PSMA1: variants seen among roughly 807,000 people sequenced by gnomAD.
PSMA1 encodes the protein proteasome 20S subunit alpha 1.
In PSMA1, 3 loss-of-function variants were observed where a neutral mutation model predicts 38.4. The ratio of observed to expected loss-of-function variants is 0.08; its 90% CI spans 0.04 to 0.20. The LOEUF (loss-of-function observed/expected upper bound fraction) is 0.20. Among genes scored for constraint, PSMA1 ranks in the 10% least tolerant of loss-of-function variants. The pLI, the probability that PSMA1 is intolerant of heterozygous loss-of-function variation, is 1.00. For missense variants in PSMA1, 227 were observed against 325.3 expected (o/e 0.70, Z 2.32); for synonymous variants, 101 against 107.1 (o/e 0.94, Z 0.35).
Position 14,505,266 on chromosome 11 carries a change from A to G in PSMA1, c.736-18T>C. ...TGAGCAGGCTTAACAGGGAAAGAAA[A>G]AAAGAAAATATGTAAAATGAACACT... On this transcript the variant is annotated intron_variant, in intron 9 of 9. Coordinates refer to ENST00000396394, the MANE Select transcript of PSMA1 (RefSeq NM_002786.4). 6.2e-7 allele frequency: 1 copy of G among 1,605,848 alleles called. No homozygotes were observed. Among genetic ancestry groups the G allele is most frequent in the Non-Finnish European group, 8.5e-7 (1 of 1,172,688 alleles).
intron 2 of PSMA1, among the ~76,000 whole-genome samples, chr11:14,548,383 A>G (rs575403334): frequency 1.2e-4 from 18 of 152,290 alleles, no homozygotes; most frequent in African/African-American, 4.1e-4. Context: ...TTCTTGGTAT[A>G]TGTATGTGGT....
At chr11:14,524,109 CAAAAAAAAAAAAAAA>C (rs71044009), upstream of PSMA1, among the ~76,000 whole-genome samples, 2 of 54,204 alleles carry the variant, frequency 3.7e-5, no homozygotes, top group Non-Finnish European at 6.1e-5. Flanking sequence ...GACCCTGTCT[CAAAAAAAAAAAAAAA>C]AAAAAAAAAA....
chr11:14,580,408 T>A (rs202155812), intron 2 of PSMA1, among the ~76,000 whole-genome samples: 8 of 152,272 alleles, frequency 5.3e-5, no homozygotes, highest in Admixed American at 5.2e-4. Flanking sequence ...AGACCACTTT[T>A]CCTGCCACTC....
chr11:14,579,527 C>T (rs1197912150), intron 2 of PSMA1, among the ~76,000 whole-genome samples: 1 of 116,862 alleles, frequency 8.6e-6, no homozygotes, highest in Admixed American at 1.0e-4. Context: ...GTAACATTAA[C>T]AGGGGCCAAG....
chr11:14,624,362 A>T (rs1852885800), intron 1 of PSMA1, among the ~76,000 whole-genome samples: 1 of 152,204 alleles, frequency 6.6e-6, no homozygotes, highest in Admixed American at 6.5e-5. Context: ...GGTAGATGAC[A>T]TGGGGATCTG....
chr11:14,512,417 T>C (rs2575853), intron 7 of PSMA1, among the ~76,000 whole-genome samples: 99,869 of 151,950 alleles, frequency 0.66, 33,004 homozygotes, highest in East Asian at 0.69. Flanking sequence ...TAAATGAAGA[T>C]ATTCCATGTT....
intron 2 of PSMA1, chr11:14,610,749 T>G (rs185659553): frequency 3.4e-4 from 184 of 548,536 alleles, no homozygotes; most frequent in African/African-American, 3.0e-3. Context: ...CCTTTCTTTT[T>G]GTGCCTATGA....
intron 4 of PSMA1, among the ~76,000 whole-genome samples, chr11:14,517,147 T>C (rs1443524647): frequency 6.6e-6 from 1 of 152,194 alleles, no homozygotes; most frequent in Non-Finnish European, 1.5e-5. Flanking sequence ...ATATTATAGA[T>C]AAACTACATT....
At chr11:14,550,136 G>A (rs2134168260) in intron 2 of PSMA1, among the ~76,000 whole-genome samples, 1 of 152,286 alleles carries the variant, frequency 6.6e-6, no homozygotes, top group Middle Eastern at 3.4e-3. Flanking sequence ...AAAGGACAGA[G>A]CTGAACACAA....
chr11:14,532,809 T>C (rs1330088511), intron 2 of PSMA1, among the ~76,000 whole-genome samples: 1 of 150,992 alleles, frequency 6.6e-6, no homozygotes, highest in African/African-American at 2.4e-5. Context: ...TAAGAATTGC[T>C]TGAACCAAGG....
intron 2 of PSMA1, among the ~76,000 whole-genome samples, chr11:14,557,998 TC>T (rs896860734): frequency 9.5e-4 from 144 of 152,270 alleles, no homozygotes; most frequent in African/African-American, 3.2e-3. Context: ...TGAATCTGAA[TC>T]CTGATTCAGG....
At chr11:14,551,734 T>C (rs1478826685) in intron 2 of PSMA1, among the ~76,000 whole-genome samples, 1 of 152,184 alleles carries the variant, frequency 6.6e-6, no homozygotes, top group African/African-American at 2.4e-5. Flanking sequence ...AGCCTCTGGC[T>C]CTGCTTCATG....
chr11:14,544,633 C>T (rs768448738), intron 2 of PSMA1, among the ~76,000 whole-genome samples: 6 of 152,138 alleles, frequency 3.9e-5, no homozygotes, highest in Non-Finnish European at 8.8e-5. Context: ...TGAAATACCA[C>T]TTTATACTTA....
chr11:14,586,033 AT>A (rs577203453), intron 2 of PSMA1, among the ~76,000 whole-genome samples: 1 of 152,174 alleles, frequency 6.6e-6, no homozygotes, highest in Non-Finnish European at 1.5e-5. Context: ...TACCATTAGC[AT>A]TTTATTATTC....
chr11:14,624,439 G>A (rs919810119), intron 1 of PSMA1, among the ~76,000 whole-genome samples: 7 of 152,124 alleles, frequency 4.6e-5, no homozygotes, highest in African/African-American at 1.7e-4. Context: ...CCATCGATGG[G>A]TGTAATCAGG....
At chr11:14,552,806 T>C (rs1009787652) in intron 2 of PSMA1, among the ~76,000 whole-genome samples, 12 of 150,954 alleles carry the variant, frequency 7.9e-5, no homozygotes, top group Middle Eastern at 3.4e-3. Flanking sequence ...AGTTTTATTA[T>C]AGAGCTTATA....
At chr11:14,591,279 C>T (rs1234109204) in intron 2 of PSMA1, among the ~76,000 whole-genome samples, 2 of 152,222 alleles carry the variant, frequency 1.3e-5, no homozygotes, top group East Asian at 3.9e-4. Flanking sequence ...AATTTCTCAC[C>T]CAACCTTAGC....
intron 2 of PSMA1, among the ~76,000 whole-genome samples, chr11:14,585,900 C>T (rs905158534): frequency 6.6e-6 from 1 of 152,132 alleles, no homozygotes; most frequent in Non-Finnish European, 1.5e-5. Flanking sequence ...GTGTCCAGAC[C>T]CAAATACAAC....
At chr11:14,528,778 C>T (rs1157009217) in intron 2 of PSMA1, among the ~76,000 whole-genome samples, 1 of 152,100 alleles carries the variant, frequency 6.6e-6, no homozygotes, top group Non-Finnish European at 1.5e-5. Flanking sequence ...TCTGCCCCAA[C>T]CTAACTGATC....
Sources: allele counts gnomAD v4.1 joint callset (sites outside exome capture counted in the v4.1 genomes callset), GRCh38; gene constraint gnomAD v4.1.1; transcripts MANE v1.5; gene names NCBI Gene and HGNC (gene_info 2026-07-23, HGNC 2026-07-21).